Variants in POM121 observed in about 807,000 individuals in gnomAD.
POM121 encodes POM121 transmembrane nucleoporin, also known as nuclear envelope pore membrane protein POM 121.
POM121 carries 32 observed loss-of-function variants against 81.3 expected under a neutral mutation model. The observed-to-expected ratio is 0.39, with a 90% CI of 0.30 to 0.53. The LOEUF is 0.53. Ranked by LOEUF, POM121 falls within the 20% of genes least tolerant of loss-of-function variation. The probability of loss-of-function intolerance (pLI) is 0.66; values close to 1 mark genes in which losing one functional copy is unlikely to be tolerated. For synonymous variants in POM121, 514 were observed against 694.2 expected (o/e 0.74, Z 4.08); for missense variants, 1,138 against 1,614.6 (o/e 0.70, Z 5.06).
chr7:72,948,895 A>C (rs1554504082), downstream of POM121: 1 of 1,611,674 alleles, frequency 6.2e-7, no homozygotes, highest in African/African-American at 1.3e-5. Flanking sequence ...CCTGTACCTG[A>C]AGGCGCCCGG....
chr7:72,902,991 T>G (rs1554492913), intron 3 of POM121, among the ~76,000 whole-genome samples: 1 of 152,226 alleles, frequency 6.6e-6, no homozygotes, highest in East Asian at 1.9e-4. Context: ...ATGTCTGTGC[T>G]TCCTTAAAGA....
At chr7:72,888,479 G>A (rs1269512269) in intron 1 of POM121, among the ~76,000 whole-genome samples, 2 of 152,170 alleles carry the variant, frequency 1.3e-5, no homozygotes, top group Non-Finnish European at 2.9e-5. Context: ...CAAAGTGTTG[G>A]GATTACAGGC....
At chr7:72,902,600 C>T (rs557178826) in intron 3 of POM121, among the ~76,000 whole-genome samples, 12 of 152,124 alleles carry the variant, frequency 7.9e-5, no homozygotes, top group African/African-American at 2.4e-4. Flanking sequence ...GCAATCTTGG[C>T]TCACTGCAGG....
At chr7:72,938,450 C>T (rs558705122) in intron 5 of POM121, 140 bp from the exon 6 acceptor site, 11 of 1,073,878 alleles carry the variant, frequency 1.0e-5, no homozygotes, top group Middle Eastern at 3.0e-4. Context: ...CTTGGCCTCC[C>T]AGCATGCTGG....
At position 72,946,459 on chromosome 7, in the gene POM121, T is replaced by A; in HGVS notation, c.*225T>A. 1 of 1,390,510 alleles carries A rather than the reference T, an allele frequency of 7.2e-7. No homozygotes were observed. Among genetic ancestry groups the A allele is most frequent in the Non-Finnish European group, 9.3e-7 (1 of 1,069,614 alleles). 86.1% of individuals were successfully genotyped at this position (1,390,510 alleles called of 1,614,324 possible). Reference sequence around the variant, plus strand: ...ATGCGGAGGGCCAAAGCCCGGGACCTCTACTTGAACAGTTCTACTGGGGAG... The same window carrying A: ...ATGCGGAGGGCCAAAGCCCGGGACCACTACTTGAACAGTTCTACTGGGGAG... On this transcript the variant is annotated 3_prime_UTR_variant, in exon 13 of 13. Coordinates refer to ENST00000434423, the MANE Select transcript of POM121 (RefSeq NM_001387691.1).
At chr7:72,929,600 G>C (rs1361457909) in intron 4 of POM121, among the ~76,000 whole-genome samples, 2 of 152,124 alleles carry the variant, frequency 1.3e-5, no homozygotes, top group African/African-American at 4.8e-5. Flanking sequence ...CCACCACTAA[G>C]ATAATGAACA....
chr7:72,930,378 T>C (rs182853148), intron 5 of POM121, among the ~76,000 whole-genome samples: 22 of 152,350 alleles, frequency 1.4e-4, no homozygotes, highest in Admixed American at 1.3e-3. Context: ...GACATTAGAA[T>C]TGTCTTTAAG....
At chr7:72,888,779 T>A (rs1407246133) in intron 1 of POM121, among the ~76,000 whole-genome samples, 2 of 152,108 alleles carry the variant, frequency 1.3e-5, no homozygotes, top group Admixed American at 1.3e-4. Context: ...CTATGGCATA[T>A]TAGGGTGTAA....
chr7:72,904,594 A>T (rs1336904144), intron 3 of POM121, among the ~76,000 whole-genome samples: 1 of 152,176 alleles, frequency 6.6e-6, no homozygotes, highest in Non-Finnish European at 1.5e-5. Context: ...TGCCATCTTC[A>T]AGGCTCCCAC....
intron 4 of POM121, among the ~76,000 whole-genome samples, chr7:72,917,327 AG>A (rs1794377617): frequency 6.6e-6 from 1 of 152,222 alleles, no homozygotes; most frequent in African/African-American, 2.4e-5. Flanking sequence ...GCTTTTCTTC[AG>A]CACTTAGCTG....
At chr7:72,923,992 T>C (rs1262127487), upstream of POM121, among the ~76,000 whole-genome samples, 10 of 138,770 alleles carry the variant, frequency 7.2e-5, no homozygotes, top group East Asian at 6.9e-4. Context: ...GTCGCCCAGG[T>C]TGGAGTGCAG....
downstream of POM121, chr7:72,948,578 C>A (rs1563179661): frequency 1.9e-6 from 3 of 1,612,466 alleles, no homozygotes; most frequent in South Asian, 1.1e-5. Context: ...GGTGCTGATG[C>A]TTTGGCCTGT....
intron 3 of POM121, among the ~76,000 whole-genome samples, chr7:72,899,778 A>G (rs1792404174): frequency 6.6e-6 from 1 of 151,690 alleles, no homozygotes. Context: ...ATGGGGTTTC[A>G]CTGTGTTAGC....
Position 72,943,137 on chromosome 7 carries a change from C to T in POM121, c.3144C>T (p.Gly1048=), listed in dbSNP as rs782707651. 15 of 1,613,096 alleles carry T rather than the reference C, an allele frequency of 9.3e-6. No individual in the cohort carries two copies. Among genetic ancestry groups the T allele is most frequent in the Middle Eastern group, 1.7e-4 (1 of 6,042 alleles). The change falls in exon 11 of 13, where the codon GGC becomes GGT. Residue 1048 remains glycine, a synonymous_variant. Transcript: ENST00000434423. ...TGAAAGCCACGGCTTCGGCCTTCGGCGCTCCCGCCAGCTCACAGCCCGCCT... is the reference window on the plus strand; with the variant it reads ...TGAAAGCCACGGCTTCGGCCTTCGGTGCTCCCGCCAGCTCACAGCCCGCCT... The part of the protein sequence containing the change: ...FGLKATASAF[G]APASSQPAFG...
Position 72,939,408 on chromosome 7 carries a change from G to C in POM121, c.1440G>C (p.Lys480Asn), listed in dbSNP as rs781880439. ...CAGACAGGGAGTCCCAGGGAGAAAA[G>C]GGTAGGTTGCTGAGCCAGGAGGAGG... is the stretch of plus-strand genomic sequence containing the variant. ...LAADRESQGE[K>N]AADTTPRKKQ... Residue 480 changes from lysine (K) to asparagine (N), a missense_variant and splice_region_variant, in exon 7 of 13, where the codon AAG (lysine) becomes AAC (asparagine). Around this residue, in one of 7 missense-constraint regions of POM121, gnomAD observed 24 missense variants for 54.3 expected, o/e 0.44. Coordinates refer to ENST00000434423, the MANE Select transcript of POM121 (RefSeq NM_001387691.1). The C allele has an allele frequency of 4.3e-6, 7 of 1,613,800 alleles. No individual in the cohort carries two copies. In the Admixed American group the frequency reaches 1.0e-4, roughly 23 times the overall value.
upstream of POM121, among the ~76,000 whole-genome samples, chr7:72,922,028 TTC>T (rs1320127167): frequency 6.6e-6 from 1 of 152,194 alleles, no homozygotes; most frequent in East Asian, 1.9e-4. Flanking sequence ...ACGGCATGAG[TTC>T]TGTTTGTTCC....
chr7:72,926,592 A>G, intron 2 of POM121, 115 bp downstream of exon 2: 4 of 1,528,856 alleles, frequency 2.6e-6, no homozygotes, highest in Non-Finnish European at 3.5e-6. Flanking sequence ...TGCTTATTTG[A>G]TGAGAAATAC....
At chr7:72,943,725 CCTT>C (rs1797374698) in intron 11 of POM121, among the ~76,000 whole-genome samples, 1 of 151,782 alleles carries the variant, frequency 6.6e-6, no homozygotes, top group African/African-American at 2.4e-5. Context: ...TGGTCAAAGG[CCTT>C]CTGAGTAGTT....
At chr7:72,919,841 TCAG>T (rs1794636894) in intron 4 of POM121, among the ~76,000 whole-genome samples, 1 of 152,340 alleles carries the variant, frequency 6.6e-6, no homozygotes, top group African/African-American at 2.4e-5. Flanking sequence ...GTTTTTGCCT[TCAG>T]CACTTTAAAG....
Sources: allele counts gnomAD v4.1 joint callset (sites outside exome capture counted in the v4.1 genomes callset), GRCh38; gene constraint gnomAD v4.1.1; regional missense constraint gnomAD v4.1.1; transcripts MANE v1.5; gene names NCBI Gene and HGNC (gene_info 2026-07-23, HGNC 2026-07-21).